Variants in FHIT observed in about 807,000 individuals in gnomAD.
The protein encoded by FHIT is bis(5'-adenosyl)-triphosphatase.
Under a neutral mutation model 17.9 loss-of-function variants are expected in FHIT, and 19 were observed. The ratio of observed to expected loss-of-function variants is 1.06; its 90% CI spans 0.74 to 1.56. The LOEUF is 1.56. Among genes scored for constraint, FHIT ranks in the 40% most tolerant of loss-of-function variants. FHIT has a pLI of 0.00. For synonymous variants in FHIT, 81 were observed against 69.7 expected, an observed-to-expected ratio of 1.16 and a Z score of -0.81; for missense variants, 248 against 189.2, an observed-to-expected ratio of 1.31 and a Z score of -1.82.
At chr3:60,116,827 T>G (rs1704982955) in intron 5 of FHIT, among the ~76,000 whole-genome samples, 2 of 149,334 alleles carry the variant, frequency 1.3e-5, no homozygotes, top group Admixed American at 6.8e-5. Context: ...TAGGTGATGT[T>G]GATATTCTAA....
chr3:60,586,508 T>G (rs1430168192), intron 4 of FHIT, among the ~76,000 whole-genome samples: 1 of 151,938 alleles, frequency 6.6e-6, no homozygotes, highest in Admixed American at 6.6e-5. Context: ...CCCAGAGAAA[T>G]ATAAATCATT....
At chr3:60,759,146 C>A (rs1699548350) in intron 4 of FHIT, among the ~76,000 whole-genome samples, 1 of 151,974 alleles carries the variant, frequency 6.6e-6, no homozygotes, top group African/African-American at 2.4e-5. Flanking sequence ...AGATGAATAG[C>A]CTCAAGAACT....
intron 5 of FHIT, among the ~76,000 whole-genome samples, chr3:60,153,853 T>C (rs1477122186): frequency 6.6e-6 from 1 of 152,160 alleles, no homozygotes; most frequent in Non-Finnish European, 1.5e-5. Context: ...TCAACAGCTA[T>C]TCACTACACA....
chr3:59,886,468 T>C (rs1331732629), intron 8 of FHIT, among the ~76,000 whole-genome samples: 2 of 152,214 alleles, frequency 1.3e-5, no homozygotes, highest in Non-Finnish European at 2.9e-5. Flanking sequence ...CTGCAGGCTG[T>C]ACGAGAAGCC....
intron 5 of FHIT, among the ~76,000 whole-genome samples, chr3:60,156,454 A>G (rs1700698408): frequency 6.6e-6 from 1 of 152,072 alleles, no homozygotes; most frequent in African/African-American, 2.4e-5. Context: ...AAAAATTTAA[A>G]ACAAAACAAA....
chr3:61,222,228 C>T (rs1280984206), intron 1 of FHIT, among the ~76,000 whole-genome samples: 1 of 152,138 alleles, frequency 6.6e-6, no homozygotes, highest in Non-Finnish European at 1.5e-5. Flanking sequence ...ATCACAGGGG[C>T]AGAACAAGGT....
chr3:61,097,453 G>T (rs1353962261), intron 2 of FHIT, among the ~76,000 whole-genome samples: 3 of 152,100 alleles, frequency 2.0e-5, no homozygotes, highest in Non-Finnish European at 2.9e-5. Flanking sequence ...ATTCCTTTGG[G>T]TATATAAATA....
intron 4 of FHIT, among the ~76,000 whole-genome samples, chr3:60,550,703 T>A (rs914537668): frequency 5.9e-5 from 9 of 152,098 alleles, no homozygotes; most frequent in African/African-American, 2.2e-4. Flanking sequence ...GTTCAGGGAT[T>A]ACATATACTT....
At chr3:60,027,133 ACAC>A (rs1489106493) in intron 5 of FHIT, among the ~76,000 whole-genome samples, 7 of 133,334 alleles carry the variant, frequency 5.2e-5, no homozygotes, top group East Asian at 2.2e-4. Flanking sequence ...ACACACACAC[ACAC>A]ACACACACAC....
intron 1 of FHIT, among the ~76,000 whole-genome samples, chr3:61,209,508 G>T (rs934510666): frequency 7.0e-6 from 1 of 141,912 alleles, no homozygotes; most frequent in African/African-American, 2.6e-5. Flanking sequence ...TGGAGGCTTT[G>T]TTTGTTTCTT....
At chr3:59,771,963 G>A (rs1702091952) in intron 8 of FHIT, among the ~76,000 whole-genome samples, 1 of 152,108 alleles carries the variant, frequency 6.6e-6, no homozygotes, top group South Asian at 2.1e-4. Flanking sequence ...ATGAGTCACA[G>A]CTTTAAAGCC....
chr3:60,163,417 T>A (rs1701025257), intron 5 of FHIT, among the ~76,000 whole-genome samples: 1 of 152,058 alleles, frequency 6.6e-6, no homozygotes, highest in Non-Finnish European at 1.5e-5. Flanking sequence ...CCCTGGGTAG[T>A]CCACAACCAC....
intron 5 of FHIT, among the ~76,000 whole-genome samples, chr3:60,424,547 T>A (rs1455692170): frequency 6.6e-6 from 1 of 152,168 alleles, no homozygotes; most frequent in Non-Finnish European, 1.5e-5. Flanking sequence ...CAATCTCTTG[T>A]GCTCTGATGC....
chr3:60,372,732 A>T (rs955026329), intron 5 of FHIT, among the ~76,000 whole-genome samples: 2 of 152,186 alleles, frequency 1.3e-5, no homozygotes, highest in Non-Finnish European at 2.9e-5. Context: ...AATTTGCTTT[A>T]GGATGTCTTT....
rs116647601 is a variant in FHIT, at chr3:60,179,477, T to C, written c.104-165325A>G. Among the ~76,000 whole-genome samples, 1,186 of 152,336 alleles carry C rather than the reference T, an allele frequency of 7.8e-3. 5 individuals carry two copies. Among genetic ancestry groups the C allele is most frequent in the Middle Eastern group, 0.017 (5 of 294 alleles). The stretch of plus-strand genomic sequence containing the variant: ...TGCTTAGTATAATGAAATTAAACCA[T>C]TAAAATGGAAATGGAACTTGTTCCG... On this transcript the variant is annotated intron_variant, in intron 5 of 9. Coordinates refer to ENST00000492590, the MANE Select transcript of FHIT (RefSeq NM_002012.4).
chr3:59,818,274 G>A (rs888736522), intron 8 of FHIT, among the ~76,000 whole-genome samples: 1 of 152,006 alleles, frequency 6.6e-6, no homozygotes, highest in African/African-American at 2.4e-5. Context: ...AGCCAGACAC[G>A]CAATTCAGAC....
chr3:60,112,777 G>A (rs1189676320), intron 5 of FHIT, among the ~76,000 whole-genome samples: 3 of 152,150 alleles, frequency 2.0e-5, no homozygotes, highest in Non-Finnish European at 2.9e-5. Flanking sequence ...CTTTACATAG[G>A]AGCATGATGG....
chr3:61,197,089 A>G (rs533228663), intron 2 of FHIT, among the ~76,000 whole-genome samples: 28 of 152,188 alleles, frequency 1.8e-4, no homozygotes, highest in African/African-American at 6.5e-4. Flanking sequence ...TTGTTGTTTA[A>G]TCTGTCTCTT....
chr3:60,961,715 G>A (rs554343513), intron 3 of FHIT, among the ~76,000 whole-genome samples: 1 of 152,254 alleles, frequency 6.6e-6, no homozygotes, highest in South Asian at 2.1e-4. Context: ...TGTTTGTCAG[G>A]TTTGTCAAAG....
Sources: gnomAD v4.1 joint callset for allele counts (sites outside exome capture counted in the v4.1 genomes callset) on GRCh38, gnomAD v4.1.1 for gene constraint, MANE v1.5 for transcripts, NCBI Gene and HGNC (gene_info 2026-07-23, HGNC 2026-07-21) for gene names.